Variants in SYNDIG1L observed in about 807,000 individuals in gnomAD.
SYNDIG1L encodes the protein synapse differentiation-inducing gene protein 1-like.
Under a neutral mutation model 20.1 loss-of-function variants are expected in SYNDIG1L, and 13 were observed. The observed-to-expected ratio is 0.65, with a 90% confidence interval of 0.42 to 1.03. SYNDIG1L has a LOEUF of 1.03. Among genes scored for constraint, SYNDIG1L ranks in the 50% least tolerant of loss-of-function variants. The pLI is 0.00. For synonymous variants in SYNDIG1L, 128 were observed against 129.3 expected (o/e 0.99, Z 0.07); for missense variants, 294 against 305.1 (o/e 0.96, Z 0.27).
chr14:74,471,631 C>T, the SYNDIG1L span, among the ~76,000 whole-genome samples: 2 of 152,180 alleles, frequency 1.3e-5, no homozygotes, highest in East Asian at 1.9e-4. Flanking sequence ...CACACACACA[C>T]AAATCCTCAC....
the SYNDIG1L span, among the ~76,000 whole-genome samples, chr14:74,458,239 T>C: frequency 2.0e-5 from 3 of 152,314 alleles, no homozygotes; most frequent in East Asian, 1.9e-4. Flanking sequence ...TCAGGCTCTA[T>C]GCTAGGCCCT....
the SYNDIG1L span, among the ~76,000 whole-genome samples, chr14:74,465,110 C>T: frequency 6.6e-6 from 1 of 152,216 alleles, no homozygotes; most frequent in Admixed American, 6.5e-5. Flanking sequence ...CCGACCCTGG[C>T]CCACCACCCA....
chr14:74,461,146 C>T, the SYNDIG1L span, among the ~76,000 whole-genome samples: 5 of 152,142 alleles, frequency 3.3e-5, no homozygotes, highest in East Asian at 9.6e-4. Context: ...TCAGGTTTCT[C>T]CATGTTGGCC....
chr14:74,449,710 T>C, the SYNDIG1L span, among the ~76,000 whole-genome samples: 1 of 151,556 alleles, frequency 6.6e-6, no homozygotes, highest in African/African-American at 2.4e-5. Context: ...GTTAAAAAAT[T>C]TTTTTCTCCA....
At chr14:74,414,503 C>G (rs1027290604) in intron 1 of SYNDIG1L, among the ~76,000 whole-genome samples, 1 of 152,148 alleles carries the variant, frequency 6.6e-6, no homozygotes, top group African/African-American at 2.4e-5. Context: ...ACCTTCCAGA[C>G]CAGGGGCAGG....
rs2086083166 is a variant in SYNDIG1L at position 74,406,697 on chromosome 14, T to C, written c.*838A>G. 1 of 152,266 alleles carries C rather than the reference T, an allele frequency of 6.6e-6. No homozygotes were observed. The highest frequency in any genetic ancestry group is 2.4e-5 in the African/African-American group (1 of 41,442). The allele number at this position is 152,266 out of a possible 1,614,324, so 9.4% of individuals were successfully genotyped here. On this transcript the variant is annotated 3_prime_UTR_variant, in exon 4 of 4. Transcript: ENST00000331628. ...GTGAGCTGAGGGCACTCTCTGGGTC[T>C]AGTCTACTTGTGATGGCACCAGCTC...
At chr14:74,475,340 A>C in the SYNDIG1L span, among the ~76,000 whole-genome samples, 2 of 151,336 alleles carry the variant, frequency 1.3e-5, no homozygotes, top group East Asian at 1.9e-4. Flanking sequence ...TATTCTTATC[A>C]TCCTGTTTTA....
the SYNDIG1L span, among the ~76,000 whole-genome samples, chr14:74,437,306 TC>T: frequency 6.6e-6 from 1 of 152,172 alleles, no homozygotes; most frequent in African/African-American, 2.4e-5. Flanking sequence ...CTGTAGCCCC[TC>T]TTTTCCTCCT....
the SYNDIG1L span, chr14:74,474,151 C>T: frequency 2.0e-5 from 3 of 152,192 alleles, no homozygotes; most frequent in African/African-American, 7.2e-5. Flanking sequence ...TCCATTGTTT[C>T]CTTTTGTCTA....
the SYNDIG1L span, among the ~76,000 whole-genome samples, chr14:74,477,922 G>A: frequency 2.6e-5 from 4 of 152,222 alleles, no homozygotes; most frequent in Non-Finnish European, 5.9e-5. Context: ...TGAACTGTCT[G>A]TAGAAGACGA....
At chr14:74,468,005 A>G in the SYNDIG1L span, among the ~76,000 whole-genome samples, 1 of 152,048 alleles carries the variant, frequency 6.6e-6, no homozygotes, top group South Asian at 2.1e-4. Flanking sequence ...GCTTAGAGTG[A>G]GATCCATGGA....
rs2086091679 is a variant in SYNDIG1L at position 74,407,405 on chromosome 14, G to T, written c.*130C>A. 21 of 1,300,618 alleles carry T rather than the reference G, an allele frequency of 1.6e-5. No individual in the cohort carries two copies. Among genetic ancestry groups the T allele is most frequent in the South Asian group, 2.7e-5 (2 of 72,916 alleles). The allele number at this position is 1,300,618 out of a possible 1,614,324, so 80.6% of individuals were successfully genotyped here. A position where few individuals can be genotyped will look rare whatever the true frequency, so the allele number is the denominator to read the frequency against. ...GAGCTCTGCAGGCTGTGGAATGGGG[G>T]TCTCCCCCTCAGCAAGCCACTCTCA... On this transcript the variant is annotated 3_prime_UTR_variant, in exon 4 of 4. Transcript: ENST00000331628.
At chr14:74,407,827 C>T (rs955534721) in intron 3 of SYNDIG1L, 22 bp downstream of exon 3, 2 of 1,603,970 alleles carry the variant, frequency 1.2e-6, no homozygotes, top group Non-Finnish European at 1.7e-6. Context: ...AGAGAAGGGA[C>T]CTGGGCCCCA....
intron 1 of SYNDIG1L, among the ~76,000 whole-genome samples, chr14:74,413,866 C>T (rs929192123): frequency 6.6e-6 from 1 of 152,156 alleles, no homozygotes; most frequent in East Asian, 1.9e-4. Flanking sequence ...GCTGCATCTG[C>T]TCACAGTCCA....
the SYNDIG1L span, among the ~76,000 whole-genome samples, chr14:74,471,582 C>T: frequency 9.3e-5 from 14 of 150,262 alleles, no homozygotes; most frequent in Non-Finnish European, 1.3e-4. Flanking sequence ...TGGGTGACAA[C>T]GTGAGACCCT....
intron 1 of SYNDIG1L, among the ~76,000 whole-genome samples, chr14:74,420,344 C>T (rs1289364461): frequency 2.8e-5 from 4 of 141,358 alleles, no homozygotes; most frequent in Non-Finnish European, 4.5e-5. Flanking sequence ...TGCAGTGAAC[C>T]AAGATCATGC....
the SYNDIG1L span, among the ~76,000 whole-genome samples, chr14:74,463,239 A>AAC: frequency 1.3e-5 from 2 of 152,050 alleles, no homozygotes; most frequent in African/African-American, 4.8e-5. Flanking sequence ...TCCCTAGCTA[A>AAC]ACACTTCTTC....
intron 1 of SYNDIG1L, among the ~76,000 whole-genome samples, chr14:74,423,710 A>G (rs2086242628): frequency 6.6e-6 from 1 of 152,118 alleles, no homozygotes; most frequent in Non-Finnish European, 1.5e-5. Flanking sequence ...ACACACACAC[A>G]CACACGTAAC....
At chr14:74,412,586 T>C (rs1438031573) in intron 1 of SYNDIG1L, among the ~76,000 whole-genome samples, 1 of 152,044 alleles carries the variant, frequency 6.6e-6, no homozygotes, top group Non-Finnish European at 1.5e-5. Context: ...CTTTTGAGGG[T>C]CGGGGGTAGG....
Sources: gnomAD v4.1 joint callset for allele counts (sites outside exome capture counted in the v4.1 genomes callset) on GRCh38, gnomAD v4.1.1 for gene constraint, MANE v1.5 for transcripts, NCBI Gene and HGNC (gene_info 2026-07-23, HGNC 2026-07-21) for gene names.